LARGE1: variants seen among roughly 807,000 people sequenced by gnomAD.
The protein encoded by LARGE1 is LARGE xylosyl- and glucuronyltransferase 1.
LARGE1 carries 43 observed loss-of-function variants against 87.6 expected under a neutral mutation model. The observed-to-expected ratio is 0.49, with a 90% confidence interval of 0.38 to 0.63. The LOEUF (loss-of-function observed/expected upper bound fraction) is 0.63. Among genes scored for constraint, LARGE1 ranks in the 30% least tolerant of loss-of-function variants. The pLI, the probability that LARGE1 is intolerant of heterozygous loss-of-function variation, is 0.00. For synonymous variants in LARGE1, 434 were observed against 394.6 expected (o/e 1.10, Z -1.18); for missense variants, 802 against 1,000.2 (o/e 0.80, Z 2.67).
the LARGE1 span, among the ~76,000 whole-genome samples, chr22:33,089,321 T>TTTCTTCTTTCTTCTTCTTCTTC: frequency 1.1e-5 from 1 of 87,046 alleles, no homozygotes; most frequent in East Asian, 8.8e-4. Context: ...TTCTTTCTTC[T>TTTCTTCTTTCTTCTTCTTCTTC]TTCTTCTTCT....
intron 2 of LARGE1, among the ~76,000 whole-genome samples, chr22:33,670,309 T>G (rs2081372613): frequency 6.6e-6 from 1 of 151,126 alleles, no homozygotes; most frequent in African/African-American, 2.4e-5. Context: ...AAGGACAGAG[T>G]GCTGAAGTAG....
chr22:33,863,594 C>CAAA (rs530225749), intron 1 of LARGE1, among the ~76,000 whole-genome samples: 1 of 122,104 alleles, frequency 8.2e-6, no homozygotes, highest in African/African-American at 3.0e-5. Flanking sequence ...CCGTCTCTAC[C>CAAA]AAAAAAAAAA....
chr22:33,824,956 G>A (rs5754705), intron 1 of LARGE1, among the ~76,000 whole-genome samples: 88,506 of 152,046 alleles, frequency 0.58, 27,443 homozygotes, highest in African/African-American at 0.81. Flanking sequence ...ATAATGCTAT[G>A]TTCTACTACA....
the LARGE1 span, among the ~76,000 whole-genome samples, chr22:33,103,326 G>A: frequency 7.3e-5 from 11 of 151,116 alleles, no homozygotes; most frequent in Non-Finnish European, 1.0e-4. Flanking sequence ...CCAGCTACTC[G>A]GGAGGCTGAG....
At chr22:33,731,186 G>A (rs957290819) in intron 2 of LARGE1, among the ~76,000 whole-genome samples, 3 of 151,652 alleles carry the variant, frequency 2.0e-5, no homozygotes, top group African/African-American at 7.3e-5. Context: ...TGTATTTTCA[G>A]TAGAGACGGG....
At chr22:33,383,875 G>C (rs532883486) in intron 8 of LARGE1, among the ~76,000 whole-genome samples, 2 of 152,210 alleles carry the variant, frequency 1.3e-5, no homozygotes, top group African/African-American at 4.8e-5. Context: ...TTATGAGTCT[G>C]CGTCAGTAGA....
At chr22:33,342,500 TG>T (rs906355974) in intron 9 of LARGE1, among the ~76,000 whole-genome samples, 3 of 152,330 alleles carry the variant, frequency 2.0e-5, no homozygotes, top group Admixed American at 6.5e-5. Context: ...GTGCTGAGAC[TG>T]GAAGTCAACT....
intron 5 of LARGE1, among the ~76,000 whole-genome samples, chr22:33,591,887 G>A (rs988154414): frequency 1.3e-5 from 2 of 148,608 alleles, no homozygotes; most frequent in Admixed American, 6.7e-5. Flanking sequence ...TTAGCCAGGC[G>A]TGATAGCATG....
At chr22:33,471,251 C>T (rs2068830453) in intron 6 of LARGE1, among the ~76,000 whole-genome samples, 1 of 151,884 alleles carries the variant, frequency 6.6e-6, no homozygotes, top group African/African-American at 2.4e-5. Context: ...ACCACGGTGG[C>T]CAAGCTGGTC....
intron 2 of LARGE1, among the ~76,000 whole-genome samples, chr22:33,690,330 T>A (rs1444112441): frequency 6.6e-6 from 1 of 152,176 alleles, no homozygotes; most frequent in East Asian, 1.9e-4. Context: ...ATGGCCCCCA[T>A]CTCATGGGCT....
chr22:33,636,201 G>T (rs2080261177), intron 3 of LARGE1, among the ~76,000 whole-genome samples: 1 of 152,176 alleles, frequency 6.6e-6, no homozygotes, highest in Non-Finnish European at 1.5e-5. Flanking sequence ...GGTGGGTCAA[G>T]AGAATTGTAA....
rs527626720 is a variant in LARGE1 at position 33,278,711 on chromosome 22, CCT to C, written c.1878-1458_1878-1457del. On this transcript the variant is annotated intron_variant, in intron 13 of 14. Coordinates refer to ENST00000397394, the MANE Select transcript of LARGE1 (RefSeq NM_133642.5). The stretch of plus-strand genomic sequence containing the variant: ...GCCAGGAGCCTCCTTAAGCACTTCA[CCT>C]CTCTTTTTTTATTTTTTTATTTTTT... 1.9e-4 allele frequency among the ~76,000 whole-genome samples: 29 copies of C among 152,120 alleles called. No homozygotes were observed. The South Asian group carries it at 5.4e-3, about 28-fold the overall frequency.
chr22:33,459,372 T>G (rs943955716), intron 6 of LARGE1, among the ~76,000 whole-genome samples: 2 of 151,808 alleles, frequency 1.3e-5, no homozygotes, highest in African/African-American at 4.8e-5. Flanking sequence ...TCGAGGAGCA[T>G]GATCCACCGT....
chr22:33,920,434 C>T lies in LARGE1; in HGVS notation c.-522G>A, dbSNP rs1243779702. Reference sequence around the variant, plus strand: ...ACGAGCGCGGCCGCGCCCCCAGCTTCGGGCGCCCGGGCTCCGGCGCGGCGG... The same window carrying T: ...ACGAGCGCGGCCGCGCCCCCAGCTTTGGGCGCCCGGGCTCCGGCGCGGCGG... On this transcript the variant is annotated 5_prime_UTR_variant, in exon 1 of 15. Transcript: ENST00000397394. The T allele has an allele frequency of 6.7e-6, 1 of 149,160 alleles. No individual in the cohort carries two copies. The highest frequency in any genetic ancestry group is 2.0e-4 in the East Asian group (1 of 5,026). The allele number at this position is 149,160 out of a possible 1,614,324, so 9.2% of individuals were successfully genotyped here.
At chr22:33,878,297 C>T (rs1345213830) in intron 1 of LARGE1, among the ~76,000 whole-genome samples, 2 of 151,068 alleles carry the variant, frequency 1.3e-5, no homozygotes, top group East Asian at 2.0e-4. Flanking sequence ...GCCATCACGC[C>T]CAGCTAATTT....
chr22:33,920,834 G>GGGCAGCCGGGCGCCGCT (rs1365841368), upstream of LARGE1, among the ~76,000 whole-genome samples: 1 of 145,000 alleles, frequency 6.9e-6, no homozygotes, highest in Non-Finnish European at 1.5e-5. Flanking sequence ...CAGCCGCCGC[G>GGGCAGCCGGGCGCCGCT]GGCAGCCGGG....
At chr22:33,573,889 G>A (rs567979860) in intron 5 of LARGE1, among the ~76,000 whole-genome samples, 19 of 152,068 alleles carry the variant, frequency 1.2e-4, no homozygotes, top group Admixed American at 5.2e-4. Flanking sequence ...GAAGGCTCAC[G>A]TTTTTGCCAC....
chr22:33,176,905 C>A (rs1022395412), intron 11 of LARGE1, among the ~76,000 whole-genome samples: 2 of 152,112 alleles, frequency 1.3e-5, no homozygotes, highest in Non-Finnish European at 2.9e-5. Flanking sequence ...TTGGAACTAA[C>A]CCTAACGTCC....
chr22:33,862,396 G>T (rs552008429), intron 1 of LARGE1, among the ~76,000 whole-genome samples: 2 of 152,206 alleles, frequency 1.3e-5, no homozygotes, highest in African/African-American at 4.8e-5. Context: ...CGAACATCTT[G>T]AACAATACAG....
Sources: gnomAD v4.1 joint callset for allele counts (sites outside exome capture counted in the v4.1 genomes callset) on GRCh38, gnomAD v4.1.1 for gene constraint, MANE v1.5 for transcripts, NCBI Gene and HGNC (gene_info 2026-07-23, HGNC 2026-07-21) for gene names.